Variants in RCSD1 observed in about 807,000 individuals in gnomAD.
RCSD1 encodes capZ-interacting protein.
In RCSD1, 26 loss-of-function variants were observed where a neutral mutation model predicts 42.5. The observed-to-expected ratio is 0.61, with a 90% CI of 0.45 to 0.85. The LOEUF (loss-of-function observed/expected upper bound fraction) is 0.85. Among genes scored for constraint, RCSD1 ranks in the 40% least tolerant of loss-of-function variants. RCSD1 has a pLI of 0.00. For synonymous variants in RCSD1, 220 were observed against 212.2 expected (o/e 1.04, Z -0.32); for missense variants, 571 against 528.3 (o/e 1.08, Z -0.79).
Position 167,704,987 on chromosome 1 carries a change from G to A in RCSD1, c.*291G>A, listed in dbSNP as rs909739252. On this transcript the variant is annotated 3_prime_UTR_variant, in exon 7 of 7. Coordinates refer to ENST00000367854, the MANE Select transcript of RCSD1 (RefSeq NM_052862.4). ...ACTTAAAACAATGTACTGTGGTGAT[G>A]AGTCCCAGGGGCACTGGTCAGCCTG... 19 of 321,128 alleles carry A rather than the reference G, an allele frequency of 5.9e-5. No homozygotes were observed. The highest frequency in any genetic ancestry group is 9.4e-4 in the Middle Eastern group (1 of 1,066). 19.9% of individuals were successfully genotyped at this position (321,128 alleles called of 1,614,324 possible).
intron 1 of RCSD1, among the ~76,000 whole-genome samples, chr1:167,671,129 CCTGGCCTAGGGT>C (rs1658797171): frequency 6.6e-6 from 1 of 152,180 alleles, no homozygotes; most frequent in Admixed American, 6.5e-5. Context: ...ATCCCTAGCG[CCTGGCCTAGGGT>C]CTGGCATGTT....
intron 1 of RCSD1, among the ~76,000 whole-genome samples, chr1:167,632,465 T>C (rs1657727444): frequency 6.6e-6 from 1 of 152,106 alleles, no homozygotes; most frequent in Non-Finnish European, 1.5e-5. Context: ...GAAGGAATAG[T>C]GTATGGCAGA....
intron 1 of RCSD1, among the ~76,000 whole-genome samples, chr1:167,675,571 G>T (rs181633397): frequency 2.0e-5 from 3 of 152,272 alleles, no homozygotes; most frequent in African/African-American, 7.2e-5. Context: ...GTCAGACATG[G>T]ACTTGATATT....
intron 1 of RCSD1, among the ~76,000 whole-genome samples, chr1:167,650,621 G>C (rs1182786680): frequency 1.3e-5 from 2 of 152,218 alleles, no homozygotes; most frequent in African/African-American, 2.4e-5. Flanking sequence ...CTCTGTTCCA[G>C]CCACAGCCAA....
intron 1 of RCSD1, among the ~76,000 whole-genome samples, chr1:167,682,420 G>A (rs960833470): frequency 3.3e-5 from 5 of 152,056 alleles, no homozygotes; most frequent in South Asian, 2.1e-4. Context: ...CAACTGCCTC[G>A]GCCTCCCAAA....
intron 6 of RCSD1, among the ~76,000 whole-genome samples, chr1:167,701,256 CTTTCTT>C (rs1558096042): frequency 8.5e-5 from 7 of 81,908 alleles, no homozygotes; most frequent in African/African-American, 4.5e-4. Context: ...TGCCTAGTTT[CTTTCTT>C]TCTTTCTTTC....
Position 167,659,727 on chromosome 1 carries a change from T to G in RCSD1, c.7-24173T>G, listed in dbSNP as rs112406312. On this transcript the variant is annotated intron_variant, in intron 1 of 6. Transcript: ENST00000367854. Reference sequence around the variant, plus strand: ...TAGCTTCTGTCATCTCTTTCCTCCCTTGTCAGCCCCCTCCCCCATTTGCTC... The same window carrying G: ...TAGCTTCTGTCATCTCTTTCCTCCCGTGTCAGCCCCCTCCCCCATTTGCTC... 5.1e-3 allele frequency among the ~76,000 whole-genome samples: 779 copies of G among 152,302 alleles called. 1 individual carries two copies. The highest frequency in any genetic ancestry group is 8.0e-3 in the Non-Finnish European group (547 of 68,028).
chr1:167,651,849 G>A (rs923890298), intron 1 of RCSD1, among the ~76,000 whole-genome samples: 2 of 152,010 alleles, frequency 1.3e-5, no homozygotes, highest in Non-Finnish European at 2.9e-5. Flanking sequence ...CTGTTCTTGA[G>A]GGGGGCTGCG....
At chr1:167,685,149 G>T (rs748732762) in intron 2 of RCSD1, among the ~76,000 whole-genome samples, 2 of 152,198 alleles carry the variant, frequency 1.3e-5, no homozygotes, top group Non-Finnish European at 2.9e-5. Context: ...AGTAAAAGTG[G>T]ATATTCTAGC....
chr1:167,683,923 C>T lies in RCSD1; in HGVS notation c.30C>T (p.Ala10=). 1.2e-6 allele frequency: 2 copies of T among 1,614,212 alleles called. No homozygotes were observed. The highest frequency in any genetic ancestry group is 1.7e-4 in the Middle Eastern group (1 of 6,060). ...AGGAAAGACCGGCAGAGACCAATGCCAATGTGGACAACTCGGCGTCCCCCT... is the reference window on the plus strand; with the variant it reads ...AGGAAAGACCGGCAGAGACCAATGCTAATGTGGACAACTCGGCGTCCCCCT... The part of the protein sequence containing the change: MEERPAETN[A]NVDNSASPSV... Residue 10 remains alanine (A), a synonymous_variant, in exon 2 of 7, where the codon GCC becomes GCT. Transcript: ENST00000367854.
At chr1:167,652,114 C>T (rs1324213651) in intron 1 of RCSD1, among the ~76,000 whole-genome samples, 2 of 151,384 alleles carry the variant, frequency 1.3e-5, no homozygotes, top group Non-Finnish European at 2.9e-5. Flanking sequence ...CTCTGCCACC[C>T]GGGTTCAAGC....
intron 6 of RCSD1, among the ~76,000 whole-genome samples, chr1:167,698,655 A>G (rs1263370257): frequency 6.6e-6 from 1 of 152,026 alleles, no homozygotes; most frequent in Non-Finnish European, 1.5e-5. Context: ...GTCCCTAACA[A>G]TCTCATCAAG....
intron 5 of RCSD1, among the ~76,000 whole-genome samples, chr1:167,696,716 G>T (rs1445407315): frequency 6.6e-6 from 1 of 152,050 alleles, no homozygotes; most frequent in Non-Finnish European, 1.5e-5. Context: ...GCCTCCCAAA[G>T]TGCTGGATTA....
chr1:167,674,691 A>C (rs946222741), intron 1 of RCSD1, among the ~76,000 whole-genome samples: 10 of 152,194 alleles, frequency 6.6e-5, no homozygotes, highest in African/African-American at 2.4e-4. Context: ...GAATTTGCCT[A>C]TTCTGGACAT....
chr1:167,652,018 CTTTTT>C (rs66622527), intron 1 of RCSD1, among the ~76,000 whole-genome samples: 3 of 108,106 alleles, frequency 2.8e-5, no homozygotes, highest in Non-Finnish European at 3.6e-5. Flanking sequence ...CTCTGTTCAT[CTTTTT>C]TTTTTTTTTT....
At chr1:167,637,532 C>T (rs1395568841) in intron 1 of RCSD1, among the ~76,000 whole-genome samples, 1 of 152,120 alleles carries the variant, frequency 6.6e-6, no homozygotes, top group Non-Finnish European at 1.5e-5. Context: ...TCCTGGCAGC[C>T]CTAGGGTGCA....
chr1:167,697,519 C>T lies in RCSD1; in HGVS notation c.895C>T (p.Pro299Ser), dbSNP rs1348368589. ...GPEAENRCGS[P>S]REEKPAGEEA... ...AGAGGCAGAAAATAGGTGTGGGAGC[C>T]CCAGGGAGGAAAAGCCAGCTGGAGA... Residue 299 changes from proline to serine, a missense_variant, in exon 6 of 7, where the codon CCC (proline) becomes TCC (serine). Pro to Ser is a moderately conservative substitution (Grantham distance 74). Coordinates refer to ENST00000367854, the MANE Select transcript of RCSD1 (RefSeq NM_052862.4). The T allele has an allele frequency of 1.2e-6, 2 of 1,605,910 alleles. No homozygotes were observed. The highest frequency in any genetic ancestry group is 4.5e-5 in the East Asian group (2 of 44,632).
At chr1:167,658,824 T>C (rs1036362493) in intron 1 of RCSD1, among the ~76,000 whole-genome samples, 5 of 151,962 alleles carry the variant, frequency 3.3e-5, no homozygotes, top group Non-Finnish European at 7.4e-5. Context: ...TTGTCTCTAG[T>C]GTTTTGCTGC....
At chr1:167,678,608 G>A (rs1659006307) in intron 1 of RCSD1, among the ~76,000 whole-genome samples, 1 of 152,130 alleles carries the variant, frequency 6.6e-6, no homozygotes, top group Admixed American at 6.5e-5. Context: ...GCCAGCACCT[G>A]CCTCTGCTCA....
Sources: allele counts gnomAD v4.1 joint callset (sites outside exome capture counted in the v4.1 genomes callset), GRCh38; gene constraint gnomAD v4.1.1; transcripts MANE v1.5; gene names NCBI Gene and HGNC (gene_info 2026-07-23, HGNC 2026-07-21).